The following ADAMTS20 variants were observed in gnomAD, a reference collection of about 807,000 sequenced individuals.
ADAMTS20 encodes the protein ADAM metallopeptidase with thrombospondin type 1 motif 20.
ADAMTS20 carries 225 observed loss-of-function variants against 260.1 expected under a neutral mutation model. The ratio of observed to expected loss-of-function variants is 0.87; its 90% CI spans 0.78 to 0.97. ADAMTS20 has a LOEUF of 0.97. Among genes scored for constraint, ADAMTS20 ranks in the 50% least tolerant of loss-of-function variants. ADAMTS20 has a pLI of 0.00. For synonymous variants in ADAMTS20, 802 were observed against 769.5 expected (o/e 1.04, Z -0.70); for missense variants, 2,400 against 2,337.7 (o/e 1.03, Z -0.55).
In ADAMTS20 at chr12:43,537,218, T is replaced by G. The variant is rs537953635; in HGVS notation, c.454-5023A>C. On this transcript the variant is annotated intron_variant, in intron 2 of 38. Coordinates refer to ENST00000389420, the MANE Select transcript of ADAMTS20 (RefSeq NM_025003.5). Reference sequence around the variant, plus strand: ...CCATAACTGGCGGAATTTTGAAGGTTTTTTTTTTGTATTTTTGGTAGAGAT... The same window carrying G: ...CCATAACTGGCGGAATTTTGAAGGTGTTTTTTTTGTATTTTTGGTAGAGAT... 3.1e-4 allele frequency among the ~76,000 whole-genome samples: 39 copies of G among 125,292 alleles called. 1 individual carries two copies. In the South Asian group the frequency reaches 8.8e-3, roughly 28 times the overall value. The allele number at this position is 125,292 out of a possible 152,430, so 82.2% of individuals were successfully genotyped here.
intron 14 of ADAMTS20, among the ~76,000 whole-genome samples, chr12:43,450,302 G>A (rs889355213): frequency 2.0e-5 from 3 of 152,080 alleles, no homozygotes; most frequent in Non-Finnish European, 4.4e-5. Flanking sequence ...TCTTTCCATT[G>A]TTTGGAATGG....
intron 28 of ADAMTS20, 128 bp downstream of exon 28, chr12:43,425,386 C>G: frequency 1.2e-6 from 1 of 806,636 alleles, no homozygotes; most frequent in South Asian, 3.6e-5. Context: ...TGCAGCAAAC[C>G]TGCACATCTT....
intron 28 of ADAMTS20, among the ~76,000 whole-genome samples, chr12:43,420,564 A>G (rs1941207166): frequency 6.6e-6 from 1 of 152,042 alleles, no homozygotes; most frequent in South Asian, 2.1e-4. Flanking sequence ...CAGTTTCTTG[A>G]AACTATTTGC....
At chr12:43,469,320 C>A (rs2137388347) in intron 7 of ADAMTS20, among the ~76,000 whole-genome samples, 1 of 152,080 alleles carries the variant, frequency 6.6e-6, no homozygotes, top group Non-Finnish European at 1.5e-5. Context: ...TATTGCAAAT[C>A]AGGATATATT....
intron 7 of ADAMTS20, among the ~76,000 whole-genome samples, chr12:43,483,702 G>C (rs574257886): frequency 6.6e-6 from 1 of 152,164 alleles, no homozygotes; most frequent in Admixed American, 6.5e-5. Context: ...TGGAAGGAGA[G>C]TCACGGTGGC....
At chr12:43,510,699 C>T (rs894589529) in intron 3 of ADAMTS20, among the ~76,000 whole-genome samples, 5 of 152,138 alleles carry the variant, frequency 3.3e-5, no homozygotes, top group East Asian at 3.9e-4. Flanking sequence ...TACAAAATCA[C>T]GCACACCATG....
intron 7 of ADAMTS20, among the ~76,000 whole-genome samples, chr12:43,482,458 G>A (rs1484353584): frequency 6.6e-6 from 1 of 152,232 alleles, no homozygotes; most frequent in Non-Finnish European, 1.5e-5. Context: ...AGATCACTGT[G>A]GGTGTAAGAC....
At chr12:43,386,188 T>C (rs1940473106) in intron 29 of ADAMTS20, among the ~76,000 whole-genome samples, 1 of 152,194 alleles carries the variant, frequency 6.6e-6, no homozygotes, top group Non-Finnish European at 1.5e-5. Flanking sequence ...TTTCTTGTCT[T>C]CTGCTAGCTT....
chr12:43,512,828 T>G (rs1385389314), intron 3 of ADAMTS20, among the ~76,000 whole-genome samples: 1 of 152,198 alleles, frequency 6.6e-6, no homozygotes, highest in Non-Finnish European at 1.5e-5. Context: ...AGCAAATATA[T>G]GAATTCAGAT....
intron 28 of ADAMTS20, among the ~76,000 whole-genome samples, chr12:43,421,282 CAA>C (rs61465679): frequency 8.4e-6 from 1 of 118,890 alleles, no homozygotes; most frequent in Non-Finnish European, 1.8e-5. Flanking sequence ...CTTTCATTTA[CAA>C]AAAAAAAAAA....
At chr12:43,467,954 A>G (rs1206061865) in intron 8 of ADAMTS20, among the ~76,000 whole-genome samples, 1 of 152,090 alleles carries the variant, frequency 6.6e-6, no homozygotes, top group African/African-American at 2.4e-5. Context: ...GTACATTTAG[A>G]ATCTTTTTTC....
intron 18 of ADAMTS20, 97 bp downstream of exon 18, chr12:43,439,525 G>A: frequency 7.1e-7 from 1 of 1,404,548 alleles, no homozygotes; most frequent in South Asian, 1.4e-5. Flanking sequence ...TGTATGGACA[G>A]TGGGGAGGAT....
intron 28 of ADAMTS20, among the ~76,000 whole-genome samples, chr12:43,420,839 G>A (rs1310060526): frequency 4.9e-5 from 3 of 61,692 alleles, no homozygotes; most frequent in African/African-American, 2.1e-4. Context: ...ATGGGGTCTC[G>A]GTCTGTCACG....
At chr12:43,534,776 C>A (rs1943271347) in intron 2 of ADAMTS20, among the ~76,000 whole-genome samples, 1 of 151,982 alleles carries the variant, frequency 6.6e-6, no homozygotes, top group Non-Finnish European at 1.5e-5. Flanking sequence ...AAGGAAGAAA[C>A]CCTAAAACTA....
chr12:43,468,765 A>T (rs1255128802), intron 7 of ADAMTS20, 60 bp from the exon 8 acceptor site: 1 of 998,814 alleles, frequency 1.0e-6, no homozygotes, highest in Non-Finnish European at 1.5e-6. Context: ...ATCATAAAGA[A>T]CTTAATTTTG....
chr12:43,370,041 A>T (rs1212276616), intron 36 of ADAMTS20, among the ~76,000 whole-genome samples: 1 of 152,156 alleles, frequency 6.6e-6, no homozygotes, highest in South Asian at 2.1e-4. Flanking sequence ...TCATGTTTGA[A>T]TCAAATATTA....
At chr12:43,506,043 G>T (rs958752719) in intron 3 of ADAMTS20, among the ~76,000 whole-genome samples, 1 of 152,132 alleles carries the variant, frequency 6.6e-6, no homozygotes, top group African/African-American at 2.4e-5. Flanking sequence ...AGGATCACTT[G>T]AGCCTCCAAG....
intron 28 of ADAMTS20, among the ~76,000 whole-genome samples, chr12:43,425,306 G>A (rs543897691): frequency 1.6e-4 from 25 of 152,266 alleles, no homozygotes; most frequent in African/African-American, 5.3e-4. Flanking sequence ...GCTAGCTAAT[G>A]GATGCCGTGC....
rs776079608 is a variant in ADAMTS20 at position 43,468,628 on chromosome 12, A to T, written c.1195T>A (p.Phe399Ile). ...INEEKGLISA[F>I]TIAHELGHTL... ...TGCCCAAGCTCATGGGCTATAGTAA[A>T]AGCAGAAATGAGTCCTTTTTCTTCA... The change falls in exon 8 of 39, where the codon TTT (phenylalanine) becomes ATT (isoleucine). Residue 399 changes from phenylalanine (F) to isoleucine (I), a missense_variant. Phe to Ile is a conservative substitution (Grantham distance 21). Coordinates refer to ENST00000389420, the MANE Select transcript of ADAMTS20 (RefSeq NM_025003.5). 8.7e-6 allele frequency: 14 copies of T among 1,610,592 alleles called. No homozygotes were observed. Among genetic ancestry groups the T allele is most frequent in the Non-Finnish European group, 1.2e-5 (14 of 1,178,102 alleles).
Sources: allele counts gnomAD v4.1 joint callset (sites outside exome capture counted in the v4.1 genomes callset), GRCh38; gene constraint gnomAD v4.1.1; transcripts MANE v1.5; gene names NCBI Gene and HGNC (gene_info 2026-07-23, HGNC 2026-07-21).